PAPPA2: variants seen among roughly 807,000 people sequenced by gnomAD.
PAPPA2 encodes the protein pappalysin-2.
PAPPA2 carries 86 observed loss-of-function variants against 176.4 expected under a neutral mutation model. The ratio of observed to expected loss-of-function variants is 0.49; its 90% confidence interval spans 0.41 to 0.58. The LOEUF (loss-of-function observed/expected upper bound fraction) is 0.58, where lower values mean the gene tolerates loss of function less well. Ranked by LOEUF, PAPPA2 falls within the 20% of genes least tolerant of loss-of-function variation. The pLI is 0.00. For missense variants in PAPPA2, 2,073 were observed against 2,256.9 expected, an observed-to-expected ratio of 0.92 and a Z score of 1.65; for synonymous variants, 809 against 852.2, an observed-to-expected ratio of 0.95 and a Z score of 0.88.
intron 4 of PAPPA2, among the ~76,000 whole-genome samples, chr1:176,689,428 T>C (rs1659999037): frequency 6.6e-6 from 1 of 152,220 alleles, no homozygotes. Context: ...ATGGTGATTG[T>C]GACATTCTCA....
intron 17 of PAPPA2, among the ~76,000 whole-genome samples, chr1:176,786,384 A>C (rs571971229): frequency 1.1e-3 from 172 of 152,136 alleles, no homozygotes; most frequent in African/African-American, 3.6e-3. Flanking sequence ...GGGGGATTTT[A>C]GCTGGGAAGG....
chr1:176,482,977 T>A (rs1010810946), intron 1 of PAPPA2, among the ~76,000 whole-genome samples: 5 of 152,108 alleles, frequency 3.3e-5, no homozygotes, highest in Non-Finnish European at 7.4e-5. Flanking sequence ...GTACCATGAA[T>A]TGAGGGCAAG....
At chr1:176,599,584 AC>A (rs1654192261) in intron 3 of PAPPA2, among the ~76,000 whole-genome samples, 1 of 148,732 alleles carries the variant, frequency 6.7e-6, no homozygotes, top group South Asian at 2.1e-4. Flanking sequence ...TAGCAATCAT[AC>A]TTTAAAAACC....
chr1:176,675,184 A>G (rs1050347894), intron 4 of PAPPA2, among the ~76,000 whole-genome samples: 9 of 152,094 alleles, frequency 5.9e-5, no homozygotes, highest in African/African-American at 2.2e-4. Flanking sequence ...ATCTGCCTCT[A>G]TTCTAACTGC....
intron 21 of PAPPA2, among the ~76,000 whole-genome samples, chr1:176,803,974 G>A (rs1431823837): frequency 6.6e-6 from 1 of 152,110 alleles, no homozygotes; most frequent in African/African-American, 2.4e-5. Flanking sequence ...TCCCACCTGT[G>A]GGGTGACACT....
rs201904045 is a variant in PAPPA2 at position 176,557,062 on chromosome 1, C to T, written c.740C>T (p.Ser247Phe). The T allele has an allele frequency of 1.2e-5, 20 of 1,612,960 alleles. No homozygotes were observed. The highest frequency in any genetic ancestry group is 2.2e-5 in the East Asian group (1 of 44,812). Residue 247 changes from serine (S) to phenylalanine (F), a missense_variant, in exon 2 of 23, where the codon TCC becomes TTC. Ser to Phe is a radical substitution (Grantham distance 155). Coordinates refer to ENST00000367662, the MANE Select transcript of PAPPA2 (RefSeq NM_020318.3). The part of the protein sequence containing the change: ...EESNQNGGEG[S>F]YREAETFNSQ... Reference sequence around the variant, plus strand: ...AGCAACCAAAATGGTGGAGAGGGCTCCTACCGAGAAGCAGAGACCTTTAAC... The same window carrying T: ...AGCAACCAAAATGGTGGAGAGGGCTTCTACCGAGAAGCAGAGACCTTTAAC...
At position 176,753,008 on chromosome 1, in the gene PAPPA2, G is replaced by A. The variant is rs575035165; in HGVS notation, c.4152-12658G>A. ...AATTCACTGTAGATACGGAATTATAGGTGGGAAGTAGAGGGATGCAGTAGA... is the reference window on the plus strand; with the variant it reads ...AATTCACTGTAGATACGGAATTATAAGTGGGAAGTAGAGGGATGCAGTAGA... On this transcript the variant is annotated intron_variant, in intron 14 of 22. Coordinates refer to ENST00000367662, the MANE Select transcript of PAPPA2 (RefSeq NM_020318.3). Among the ~76,000 whole-genome samples, 259 of 152,340 alleles carry A rather than the reference G, an allele frequency of 1.7e-3. 1 individual carries two copies. The highest frequency in any genetic ancestry group is 3.4e-3 in the Middle Eastern group (1 of 294).
chr1:176,785,983 C>T (rs958014062), intron 17 of PAPPA2, among the ~76,000 whole-genome samples: 1 of 152,126 alleles, frequency 6.6e-6, no homozygotes, highest in Non-Finnish European at 1.5e-5. Context: ...TTTTTACAGC[C>T]GTGCTTCTCC....
chr1:176,702,105 A>G (rs1481124287), intron 8 of PAPPA2, among the ~76,000 whole-genome samples: 1 of 152,118 alleles, frequency 6.6e-6, no homozygotes, highest in African/African-American at 2.4e-5. Context: ...ACCTGCTGTT[A>G]TGAGACAGTT....
At chr1:176,603,239 G>T (rs1018239634) in intron 3 of PAPPA2, among the ~76,000 whole-genome samples, 3 of 152,226 alleles carry the variant, frequency 2.0e-5, no homozygotes, top group Admixed American at 1.3e-4. Context: ...TGTTTCAGAT[G>T]ATTTCACTTA....
chr1:176,599,362 G>A (rs1474824020), intron 3 of PAPPA2, among the ~76,000 whole-genome samples: 1 of 151,862 alleles, frequency 6.6e-6, no homozygotes, highest in Non-Finnish European at 1.5e-5. Flanking sequence ...CTGGTCTCTG[G>A]AAAAATCTCT....
chr1:176,596,686 A>G (rs899689405), intron 3 of PAPPA2, among the ~76,000 whole-genome samples: 4 of 152,190 alleles, frequency 2.6e-5, no homozygotes, highest in African/African-American at 9.7e-5. Flanking sequence ...GTTAACCACT[A>G]TATTCCCAAG....
At chr1:176,604,978 C>T (rs1212959918) in intron 3 of PAPPA2, among the ~76,000 whole-genome samples, 3 of 151,870 alleles carry the variant, frequency 2.0e-5, no homozygotes, top group Non-Finnish European at 2.9e-5. Context: ...TAGCGTTGCC[C>T]CATTTAGATC....
chr1:176,626,548 G>A (rs1656029797), intron 3 of PAPPA2, among the ~76,000 whole-genome samples: 2 of 152,170 alleles, frequency 1.3e-5, no homozygotes, highest in Admixed American at 1.3e-4. Flanking sequence ...AACAAACATT[G>A]AAGGTGGTTA....
chr1:176,705,833 A>C (rs1660858493), intron 9 of PAPPA2, among the ~76,000 whole-genome samples: 1 of 152,226 alleles, frequency 6.6e-6, no homozygotes, highest in Non-Finnish European at 1.5e-5. Context: ...AGGCTGCTTA[A>C]GTCTCTGGGT....
intron 20 of PAPPA2, among the ~76,000 whole-genome samples, chr1:176,797,323 T>C (rs1665488749): frequency 6.6e-6 from 1 of 152,188 alleles, no homozygotes; most frequent in South Asian, 2.1e-4. Context: ...CTTTATATGA[T>C]TGTAATTTTT....
chr1:176,656,440 TA>T (rs1658036178), intron 3 of PAPPA2, among the ~76,000 whole-genome samples: 1 of 151,838 alleles, frequency 6.6e-6, no homozygotes, highest in South Asian at 2.1e-4. Context: ...GTATGGTGAC[TA>T]AGGGCAGAGC....
At chr1:176,507,680 G>A (rs1415458089) in intron 1 of PAPPA2, among the ~76,000 whole-genome samples, 2 of 151,908 alleles carry the variant, frequency 1.3e-5, no homozygotes, top group Non-Finnish European at 2.9e-5. Flanking sequence ...AATTAATGCA[G>A]GAATAGAAAG....
intron 3 of PAPPA2, among the ~76,000 whole-genome samples, chr1:176,643,170 T>A (rs1192812691): frequency 6.6e-6 from 1 of 151,910 alleles, no homozygotes; most frequent in East Asian, 1.9e-4. Context: ...TAATTATTAC[T>A]TTATGCTACA....
Sources: allele counts gnomAD v4.1 joint callset (sites outside exome capture counted in the v4.1 genomes callset), GRCh38; gene constraint gnomAD v4.1.1; transcripts MANE v1.5; gene names NCBI Gene and HGNC (gene_info 2026-07-23, HGNC 2026-07-21).